CACHD1: variants seen among roughly 807,000 people sequenced by gnomAD.
CACHD1 encodes cache domain containing 1, also known as VWFA and cache domain-containing protein 1.
In CACHD1, 71 loss-of-function variants were observed where a neutral mutation model predicts 138.7. The ratio of observed to expected loss-of-function variants is 0.51; its 90% CI spans 0.42 to 0.62. CACHD1 has a LOEUF of 0.62. CACHD1 is among the 20% of genes least tolerant of loss of function. CACHD1 has a pLI of 0.00. For synonymous variants in CACHD1, 578 were observed against 591.5 expected, an observed-to-expected ratio of 0.98 and a Z score of 0.33; for missense variants, 1,389 against 1,625.3, an observed-to-expected ratio of 0.85 and a Z score of 2.50.
intron 1 of CACHD1, among the ~76,000 whole-genome samples, chr1:64,485,395 G>T (rs1192105638): frequency 6.6e-6 from 1 of 152,120 alleles, no homozygotes; most frequent in Non-Finnish European, 1.5e-5. Flanking sequence ...GAGGATAAAT[G>T]GAAACATTAT....
intron 1 of CACHD1, among the ~76,000 whole-genome samples, chr1:64,549,807 T>TA (rs1014057721): frequency 1.3e-5 from 2 of 151,976 alleles, no homozygotes; most frequent in Admixed American, 6.6e-5. Flanking sequence ...TTTTTTTATT[T>TA]TTTTGCTCCT....
At chr1:64,567,566 C>T (rs543164890) in intron 2 of CACHD1, among the ~76,000 whole-genome samples, 41 of 152,150 alleles carry the variant, frequency 2.7e-4, no homozygotes, top group Non-Finnish European at 1.0e-4. Context: ...TTGAGGAAAT[C>T]GAGACTCAGA....
intron 2 of CACHD1, among the ~76,000 whole-genome samples, chr1:64,554,292 C>T (rs779105490): frequency 6.6e-6 from 1 of 152,180 alleles, no homozygotes; most frequent in African/African-American, 2.4e-5. Flanking sequence ...TTTTATTATC[C>T]TTGGCCTCCT....
chr1:64,683,218 A>G (rs1008466191), intron 26 of CACHD1, among the ~76,000 whole-genome samples: 1 of 152,222 alleles, frequency 6.6e-6, no homozygotes, highest in Non-Finnish European at 1.5e-5. Context: ...TTTGAATGAC[A>G]TTATTCCCAC....
intron 2 of CACHD1, among the ~76,000 whole-genome samples, chr1:64,558,759 G>A (rs763853859): frequency 1.3e-5 from 2 of 152,148 alleles, no homozygotes; most frequent in Non-Finnish European, 2.9e-5. Flanking sequence ...TCTGACAAAG[G>A]TGTAACATCT....
intron 3 of CACHD1, among the ~76,000 whole-genome samples, chr1:64,598,634 T>C (rs1647180856): frequency 6.6e-6 from 1 of 152,058 alleles, no homozygotes; most frequent in African/African-American, 2.4e-5. Flanking sequence ...TTAGAGAGAA[T>C]TGAGAATTCA....
chr1:64,526,247 TTA>T (rs1646537615), intron 1 of CACHD1, among the ~76,000 whole-genome samples: 1 of 152,172 alleles, frequency 6.6e-6, no homozygotes, highest in East Asian at 1.9e-4. Flanking sequence ...TGAGCCACAG[TTA>T]AGGTGCAAGC....
chr1:64,666,069 A>G lies in CACHD1; in HGVS notation c.2289A>G (p.Ala763=), dbSNP rs753407610. 5.1e-5 allele frequency: 82 copies of G among 1,598,990 alleles called. No homozygotes were observed. The highest frequency in any genetic ancestry group is 3.5e-4 in the Admixed American group (21 of 59,374). ...TGGTCTCCATTAGGTATCTCCATGC[A>G]GTAGCTAATCCAGGGTTGATTTCTT... ...DPTRRQWYLH[A]VANPGLISLT... Residue 763 remains alanine, a synonymous_variant, in exon 16 of 27, where the codon GCA becomes GCG. Coordinates refer to ENST00000651257, the MANE Select transcript of CACHD1 (RefSeq NM_020925.4).
At chr1:64,657,938 T>C (rs776959964) in intron 12 of CACHD1, among the ~76,000 whole-genome samples, 4 of 152,224 alleles carry the variant, frequency 2.6e-5, no homozygotes, top group Non-Finnish European at 5.9e-5. Flanking sequence ...ACTAGGTAGA[T>C]TGGCTTTTGA....
intron 1 of CACHD1, among the ~76,000 whole-genome samples, chr1:64,549,799 T>TA (rs1454918652): frequency 1.1e-4 from 16 of 151,208 alleles, no homozygotes; most frequent in African/African-American, 3.4e-4. Context: ...CTTTTTATTT[T>TA]TTTTATTTTT....
At position 64,470,379 on chromosome 1, in the gene CACHD1, G is replaced by C. The variant is rs1414518965; in HGVS notation, c.-366G>C. The stretch of plus-strand genomic sequence containing the variant: ...GCGAGAGCCGCGCGGCTCGGCTCGG[G>C]CTCCGACTCCGACTCCGATTCCGAC... On this transcript the variant is annotated 5_prime_UTR_variant, in exon 1 of 27. Transcript: ENST00000651257. This position sits in a 1 kb window ranked among gnomAD's most constrained non-coding sequence, Gnocchi z 5.2. 1.3e-5 allele frequency among the ~76,000 whole-genome samples: 2 copies of C among 151,706 alleles called. No individual in the cohort carries two copies. The highest frequency in any genetic ancestry group is 4.8e-5 in the African/African-American group (2 of 41,370).
chr1:64,643,632 C>A (rs578021501), intron 8 of CACHD1, among the ~76,000 whole-genome samples: 2 of 152,114 alleles, frequency 1.3e-5, no homozygotes, highest in Non-Finnish European at 1.5e-5. Context: ...GTCAGGAGAT[C>A]AAGACCATCC....
intron 26 of CACHD1, among the ~76,000 whole-genome samples, chr1:64,690,167 G>A (rs1650501750): frequency 6.6e-6 from 1 of 152,214 alleles, no homozygotes; most frequent in Admixed American, 6.5e-5. Context: ...GCCCAACACA[G>A]TGACTTGTAT....
At chr1:64,603,099 CTTTTTTTTTTTTTTTT>C (rs34372401) in intron 4 of CACHD1, among the ~76,000 whole-genome samples, 187 bp downstream of exon 4, 4 of 64,940 alleles carry the variant, frequency 6.2e-5, no homozygotes, top group Admixed American at 2.5e-4. Context: ...AAGCTTACAT[CTTTTTTTTTTTTTTTT>C]TTTTTTTTTG....
rs891927344 is a variant in CACHD1, at chr1:64,673,085, A to C, written c.2511-73A>C. Reference sequence around the variant, plus strand: ...GTTTGTTTCAGGGCTAGCAAGATAAATGCTCTCTGAATACGTTTGAAAAAA... The same window carrying C: ...GTTTGTTTCAGGGCTAGCAAGATAACTGCTCTCTGAATACGTTTGAAAAAA... On this transcript the variant is annotated intron_variant, in intron 17 of 26. Coordinates refer to ENST00000651257, the MANE Select transcript of CACHD1 (RefSeq NM_020925.4). 3 of 1,218,678 alleles carry C rather than the reference A, an allele frequency of 2.5e-6. No individual in the cohort carries two copies. In the Admixed American group the frequency reaches 5.3e-5, roughly 22 times the overall value. The allele number at this position is 1,218,678 out of a possible 1,614,324, so 75.5% of individuals were successfully genotyped here.
At chr1:64,488,855 A>G (rs1165836040) in intron 1 of CACHD1, among the ~76,000 whole-genome samples, 1 of 152,226 alleles carries the variant, frequency 6.6e-6, no homozygotes, top group Non-Finnish European at 1.5e-5. Flanking sequence ...CATATATTTA[A>G]AGTCTGTTAC....
chr1:64,650,924 C>T (rs774309112), intron 9 of CACHD1, among the ~76,000 whole-genome samples: 2 of 152,116 alleles, frequency 1.3e-5, no homozygotes, highest in African/African-American at 2.4e-5. Flanking sequence ...CAACCCCAGC[C>T]ATCTGATGCA....
chr1:64,668,342 GAAAAAGAA>G (rs1250824861), intron 16 of CACHD1, among the ~76,000 whole-genome samples: 1 of 131,088 alleles, frequency 7.6e-6, no homozygotes, highest in Non-Finnish European at 1.6e-5. Context: ...AAAAAAAAAA[GAAAAAGAA>G]AAAAAGAAAA....
intron 7 of CACHD1, among the ~76,000 whole-genome samples, chr1:64,635,178 C>T (rs1648475378): frequency 1.3e-5 from 2 of 151,868 alleles, no homozygotes; most frequent in South Asian, 4.2e-4. Flanking sequence ...CATGTCTGCA[C>T]TTATGTCCCA....
Sources: allele counts gnomAD v4.1 joint callset (sites outside exome capture counted in the v4.1 genomes callset), GRCh38; gene constraint gnomAD v4.1.1; non-coding constraint Gnocchi (gnomAD v3.1); transcripts MANE v1.5; gene names NCBI Gene and HGNC (gene_info 2026-07-23, HGNC 2026-07-21).